The following WDR17 variants were observed in gnomAD, a reference collection of about 807,000 sequenced individuals.
The protein encoded by WDR17 is WD repeat-containing protein 17.
Under a neutral mutation model 161.7 loss-of-function variants are expected in WDR17, and 143 were observed. That is an observed-to-expected ratio of 0.88 (90% CI 0.77 to 1.02). The LOEUF is 1.02. Ranked by LOEUF, WDR17 falls within the 50% of genes least tolerant of loss-of-function variation. The pLI, the probability that WDR17 is intolerant of heterozygous loss-of-function variation, is 0.00. For missense variants in WDR17, 1,469 were observed against 1,520.9 expected, an observed-to-expected ratio of 0.97 and a Z score of 0.57; for synonymous variants, 517 against 515.6, an observed-to-expected ratio of 1.00 and a Z score of -0.04.
At chr4:176,077,898 G>A (rs1209184926) in intron 1 of WDR17, among the ~76,000 whole-genome samples, 4 of 151,926 alleles carry the variant, frequency 2.6e-5, no homozygotes, top group African/African-American at 4.8e-5. Context: ...GAAGAGAAAG[G>A]TTCTTTTTCT....
chr4:176,149,135 C>T (rs1374230476), intron 13 of WDR17, among the ~76,000 whole-genome samples: 1 of 152,190 alleles, frequency 6.6e-6, no homozygotes, highest in African/African-American at 2.4e-5. Context: ...CTCACAGATA[C>T]TATGTATGCT....
chr4:176,178,843 G>A (rs1378579718), intron 28 of WDR17, among the ~76,000 whole-genome samples: 1 of 152,138 alleles, frequency 6.6e-6, no homozygotes, highest in Non-Finnish European at 1.5e-5. Flanking sequence ...TTGAAATTAT[G>A]CTTTTCCTTA....
intron 14 of WDR17, 40 bp downstream of exon 14, chr4:176,149,996 A>G: frequency 6.2e-7 from 1 of 1,609,872 alleles, no homozygotes; most frequent in Non-Finnish European, 8.5e-7. Context: ...ATTTCTAAAT[A>G]AGTTTTATGA....
intron 24 of WDR17, among the ~76,000 whole-genome samples, chr4:176,172,919 A>G (rs574460596): frequency 1.3e-5 from 2 of 152,318 alleles, no homozygotes; most frequent in Non-Finnish European, 2.9e-5. Flanking sequence ...TTCATGAGGA[A>G]TCCACCTCCA....
chr4:176,166,551 T>C (rs964939657), intron 22 of WDR17, among the ~76,000 whole-genome samples: 4 of 152,276 alleles, frequency 2.6e-5, no homozygotes, highest in African/African-American at 4.8e-5. Context: ...TTGATTAACA[T>C]TGAAGGAAAT....
chr4:176,084,631 C>A (rs756207031), intron 1 of WDR17, among the ~76,000 whole-genome samples: 1 of 151,654 alleles, frequency 6.6e-6, no homozygotes, highest in East Asian at 1.9e-4. Context: ...TTTAATGAGT[C>A]TTTTCCTATC....
intron 23 of WDR17, among the ~76,000 whole-genome samples, chr4:176,170,371 A>C (rs1412147522): frequency 6.9e-6 from 1 of 144,684 alleles, no homozygotes; most frequent in Non-Finnish European, 1.5e-5. Flanking sequence ...GCTGGAGTGC[A>C]ATGGCACGAG....
Position 176,142,086 on chromosome 4 carries a change from C to T in WDR17, c.1529+17C>T. ...AAACAATAAGTAAGTGGTTTTTTTT[C>T]CTGAAATAAATAATAACTACATTTT... On this transcript the variant is annotated intron_variant, in intron 11 of 28. Transcript: ENST00000508596. The T allele has an allele frequency of 6.3e-7, 1 of 1,591,096 alleles. No homozygotes were observed. The highest frequency in any genetic ancestry group is 8.6e-7 in the Non-Finnish European group (1 of 1,166,206).
chr4:176,084,892 TCA>T (rs1192541555), intron 1 of WDR17, among the ~76,000 whole-genome samples: 1 of 150,388 alleles, frequency 6.6e-6, no homozygotes, highest in Non-Finnish European at 1.5e-5. Flanking sequence ...ATTATCACCT[TCA>T]CCATAAATCA....
chr4:176,146,469 T>G (rs1235802715), intron 12 of WDR17, among the ~76,000 whole-genome samples: 1 of 152,234 alleles, frequency 6.6e-6, no homozygotes, highest in East Asian at 1.9e-4. Flanking sequence ...CTGTAGGTTA[T>G]GACTTGAAAT....
intron 5 of WDR17, among the ~76,000 whole-genome samples, chr4:176,127,221 A>G (rs1431078652): frequency 3.3e-5 from 5 of 152,256 alleles, no homozygotes; most frequent in Admixed American, 2.6e-4. Context: ...TGCACATGAA[A>G]GTAGATGGAT....
chr4:176,131,931 C>A, intron 7 of WDR17, among the ~76,000 whole-genome samples, 193 bp downstream of exon 7: 1 of 151,810 alleles, frequency 6.6e-6, no homozygotes, highest in South Asian at 2.1e-4. Flanking sequence ...AACTTTTAAC[C>A]ACTATACTTC....
chr4:176,163,361 C>G, intron 22 of WDR17, 68 bp downstream of exon 22: 1 of 1,507,382 alleles, frequency 6.6e-7, no homozygotes, highest in South Asian at 1.3e-5. Context: ...ATTATAAATT[C>G]CATTTGATAA....
intron 4 of WDR17, among the ~76,000 whole-genome samples, chr4:176,121,191 T>C (rs1308199941): frequency 1.3e-5 from 2 of 152,236 alleles, no homozygotes; most frequent in Non-Finnish European, 2.9e-5. Flanking sequence ...GTGCTTCTTC[T>C]GGATTTGTTG....
At chr4:176,112,790 T>A (rs1350046349) in intron 2 of WDR17, among the ~76,000 whole-genome samples, 1 of 152,120 alleles carries the variant, frequency 6.6e-6, no homozygotes, top group African/African-American at 2.4e-5. Context: ...TTTCTGGCAC[T>A]TAGAAGACAT....
intron 1 of WDR17, among the ~76,000 whole-genome samples, chr4:176,106,333 T>C (rs1738712181): frequency 6.6e-6 from 1 of 151,978 alleles, no homozygotes; most frequent in Non-Finnish European, 1.5e-5. Flanking sequence ...CCCTTACATA[T>C]ATGGCCAAAT....
chr4:176,156,652 G>A (rs1748170859), intron 18 of WDR17, among the ~76,000 whole-genome samples: 1 of 148,964 alleles, frequency 6.7e-6, no homozygotes, highest in African/African-American at 2.5e-5. Flanking sequence ...TTTTTCTCAA[G>A]TGGGCTAGTT....
intron 17 of WDR17, among the ~76,000 whole-genome samples, chr4:176,155,517 T>C (rs1747923275): frequency 6.7e-6 from 1 of 149,740 alleles, no homozygotes; most frequent in African/African-American, 2.4e-5. Flanking sequence ...CAATCTTTTT[T>C]ACTTTGTTTT....
chr4:176,087,834 A>G (rs1376340794), intron 1 of WDR17, among the ~76,000 whole-genome samples: 1 of 151,224 alleles, frequency 6.6e-6, no homozygotes, highest in South Asian at 2.1e-4. Flanking sequence ...TATTCATTTT[A>G]TTTTTATTTT....
Sources: gnomAD v4.1 joint callset for allele counts (sites outside exome capture counted in the v4.1 genomes callset) on GRCh38, gnomAD v4.1.1 for gene constraint, MANE v1.5 for transcripts, NCBI Gene and HGNC (gene_info 2026-07-23, HGNC 2026-07-21) for gene names.